Variants in NRXN1 observed in about 807,000 individuals in gnomAD.
NRXN1 encodes the protein neurexin-1.
NRXN1 carries 39 observed loss-of-function variants against 150.9 expected under a neutral mutation model. The observed-to-expected ratio is 0.26, with a 90% CI of 0.20 to 0.34. The LOEUF (loss-of-function observed/expected upper bound fraction) is 0.34, where lower values mean the gene tolerates loss of function less well. Among genes scored for constraint, NRXN1 ranks in the 10% least tolerant of loss-of-function variants. The pLI is 1.00. For synonymous variants in NRXN1, 924 were observed against 757.0 expected, an observed-to-expected ratio of 1.22 and a Z score of -3.62; for missense variants, 1,815 against 1,949.9, an observed-to-expected ratio of 0.93 and a Z score of 1.30.
intron 17 of NRXN1, among the ~76,000 whole-genome samples, chr2:50,338,747 C>T (rs1355742410): frequency 1.3e-5 from 2 of 151,736 alleles, no homozygotes; most frequent in East Asian, 1.9e-4. Flanking sequence ...TGCTGCATGC[C>T]CCTTCAAAAT....
chr2:50,553,196 T>C (rs544099019), intron 8 of NRXN1, among the ~76,000 whole-genome samples, 171 bp from the exon 9 acceptor site: 8 of 152,332 alleles, frequency 5.3e-5, no homozygotes, highest in African/African-American at 1.4e-4. Context: ...TGTCAATTCA[T>C]AGAACAATAA....
At position 50,753,955 on chromosome 2, in the gene NRXN1, ATTTT is replaced by A. The variant is rs11450042; in HGVS notation, c.833-130344_833-130341del. The stretch of plus-strand genomic sequence containing the variant: ...ACATTTCAATAAATTCATCATGACG[ATTTT>A]TTTTTGGGGGGGGGCGGAATTCCCA... On this transcript the variant is annotated intron_variant, in intron 5 of 22. Transcript: ENST00000401669. 2.8e-5 allele frequency among the ~76,000 whole-genome samples: 3 copies of A among 107,618 alleles called. No individual in the cohort carries two copies. The East Asian group carries it at 1.0e-3, about 37-fold the overall frequency. The allele number at this position is 107,618 out of a possible 152,430, so 70.6% of individuals were successfully genotyped here.
chr2:49,930,602 T>A (rs1669963005), intron 22 of NRXN1, among the ~76,000 whole-genome samples: 1 of 152,250 alleles, frequency 6.6e-6, no homozygotes, highest in Non-Finnish European at 1.5e-5. Context: ...ATTAATTCTA[T>A]ACTATTGTAA....
chr2:50,603,853 G>C lies in NRXN1; in HGVS notation c.1320+16169C>G, dbSNP rs565052837. Reference sequence around the variant, plus strand: ...ATAGACTGGTCAACCTTGATCACTGGGTAGTCTAAACGATTAAAGACTGCA... The same window carrying C: ...ATAGACTGGTCAACCTTGATCACTGCGTAGTCTAAACGATTAAAGACTGCA... On this transcript the variant is annotated intron_variant, in intron 8 of 22. Transcript: ENST00000401669. 2.6e-5 allele frequency among the ~76,000 whole-genome samples: 4 copies of C among 152,158 alleles called. No homozygotes were observed. In the East Asian group the frequency reaches 5.8e-4, roughly 22 times the overall value.
At chr2:50,623,234 T>C (rs1257809353) in intron 6 of NRXN1, 80 bp downstream of exon 6, 8 of 1,117,668 alleles carry the variant, frequency 7.2e-6, no homozygotes, top group Non-Finnish European at 1.0e-5. Context: ...CTGTATCATG[T>C]TGTTAGAGTA....
chr2:50,723,045 T>TTA (rs1358584009), intron 5 of NRXN1, among the ~76,000 whole-genome samples: 1 of 152,080 alleles, frequency 6.6e-6, no homozygotes, highest in East Asian at 1.9e-4. Context: ...TGTCATTCAG[T>TTA]TAGTAGATGT....
At chr2:50,866,956 T>G (rs1019599609) in intron 5 of NRXN1, among the ~76,000 whole-genome samples, 1 of 151,922 alleles carries the variant, frequency 6.6e-6, no homozygotes, top group Non-Finnish European at 1.5e-5. Context: ...TCTGTTTCCA[T>G]AATACTCTCT....
chr2:49,936,613 A>G (rs2104288580), intron 22 of NRXN1, among the ~76,000 whole-genome samples: 1 of 152,230 alleles, frequency 6.6e-6, no homozygotes, highest in South Asian at 2.1e-4. Context: ...TTAGTTCTAT[A>G]TAATTCCAAA....
chr2:49,978,088 G>A (rs537415100), intron 21 of NRXN1, among the ~76,000 whole-genome samples: 3 of 152,158 alleles, frequency 2.0e-5, no homozygotes, highest in Admixed American at 6.5e-5. Flanking sequence ...CTTGAACCAG[G>A]GAGTCAGAGG....
At chr2:50,285,747 T>C (rs2072068311) in intron 17 of NRXN1, among the ~76,000 whole-genome samples, 1 of 152,160 alleles carries the variant, frequency 6.6e-6, no homozygotes, top group Non-Finnish European at 1.5e-5. Flanking sequence ...ATGCCTACAA[T>C]CTTTCAGAAA....
At chr2:50,796,486 C>G (rs985913492) in intron 5 of NRXN1, among the ~76,000 whole-genome samples, 1 of 152,142 alleles carries the variant, frequency 6.6e-6, no homozygotes, top group African/African-American at 2.4e-5. Context: ...ACTCCCACCC[C>G]AACGGCCCCA....
At chr2:50,078,544 G>A (rs547896557) in intron 19 of NRXN1, among the ~76,000 whole-genome samples, 11 of 151,512 alleles carry the variant, frequency 7.3e-5, no homozygotes, top group African/African-American at 2.7e-4. Flanking sequence ...TTCAACTAAT[G>A]TCCTTTTTCT....
At chr2:50,555,742 T>C (rs767942346) in intron 8 of NRXN1, among the ~76,000 whole-genome samples, 1 of 152,304 alleles carries the variant, frequency 6.6e-6, no homozygotes, top group African/African-American at 2.4e-5. Context: ...CAGCAGAATA[T>C]GGTATTGCGG....
In NRXN1 at chr2:50,488,139, TGCATAGC is replaced by T. The variant is rs2091008728; in HGVS notation, c.3070+7759_3070+7765del. ...AAGGCAAACCCTGTCCCTGAATTCTTGCATAGCAGGTTAAAAATCACACTTTTTGAGC... is the reference window on the plus strand; with the variant it reads ...AAGGCAAACCCTGTCCCTGAATTCTTAGGTTAAAAATCACACTTTTTGAGC... On this transcript the variant is annotated intron_variant, in intron 15 of 22. Coordinates refer to ENST00000401669, the MANE Select transcript of NRXN1 (RefSeq NM_001330078.2). Among the ~76,000 whole-genome samples the T allele has an allele frequency of 2.0e-5, 3 of 152,346 alleles. No individual in the cohort carries two copies. The East Asian group carries it at 5.8e-4, about 29-fold the overall frequency.
Position 50,398,170 on chromosome 2 carries a change from A to G in NRXN1, c.3364+67272T>C, listed in dbSNP as rs375600378. 7.9e-5 allele frequency among the ~76,000 whole-genome samples: 12 copies of G among 152,256 alleles called. No individual in the cohort carries two copies. In the East Asian group the frequency reaches 9.7e-4, roughly 12 times the overall value. Reference sequence around the variant, plus strand: ...GATGATTTATTGGCTAAGTTTCCACAGTAACTCCCAGCACTTGTAGAACTG... The same window carrying G: ...GATGATTTATTGGCTAAGTTTCCACGGTAACTCCCAGCACTTGTAGAACTG... On this transcript the variant is annotated intron_variant, in intron 17 of 22. Transcript: ENST00000401669.
At chr2:49,987,042 A>AG (rs1249047048) in intron 21 of NRXN1, among the ~76,000 whole-genome samples, 4 of 151,818 alleles carry the variant, frequency 2.6e-5, no homozygotes, top group Non-Finnish European at 1.5e-5. Flanking sequence ...TGACAGAGTG[A>AG]GAAAAAAAAA....
intron 17 of NRXN1, among the ~76,000 whole-genome samples, chr2:50,414,145 G>C (rs958031049): frequency 2.0e-5 from 3 of 151,958 alleles, no homozygotes; most frequent in African/African-American, 4.8e-5. Flanking sequence ...TCACAACAGG[G>C]TTACTATATT....
intron 8 of NRXN1, among the ~76,000 whole-genome samples, chr2:50,616,950 G>T (rs937104344): frequency 1.3e-5 from 2 of 152,206 alleles, no homozygotes; most frequent in African/African-American, 4.8e-5. Context: ...TGTTAAGAGA[G>T]ATTCTGTGAG....
intron 17 of NRXN1, among the ~76,000 whole-genome samples, chr2:50,413,044 C>T (rs2083300862): frequency 6.6e-6 from 1 of 152,122 alleles, no homozygotes; most frequent in South Asian, 2.1e-4. Context: ...ATGAGGAATA[C>T]ACTACAAGCA....
Sources: gnomAD v4.1 joint callset for allele counts (sites outside exome capture counted in the v4.1 genomes callset) on GRCh38, gnomAD v4.1.1 for gene constraint, MANE v1.5 for transcripts, NCBI Gene and HGNC (gene_info 2026-07-23, HGNC 2026-07-21) for gene names.